TACC3: variants seen among roughly 807,000 people sequenced by gnomAD.
TACC3 encodes transforming acidic coiled-coil containing protein 3, also known as transforming acidic coiled-coil-containing protein 3.
A neutral mutation model predicts 86.0 loss-of-function variants in TACC3; 52 were observed. The observed-to-expected ratio is 0.60, with a 90% CI of 0.48 to 0.76. The LOEUF (loss-of-function observed/expected upper bound fraction) is 0.76, where lower values mean the gene tolerates loss of function less well. TACC3 is among the 30% of genes least tolerant of loss of function. The pLI is 0.00. For missense variants in TACC3, 1,120 were observed against 1,070.4 expected (o/e 1.05, Z -0.65); for synonymous variants, 512 against 430.0 (o/e 1.19, Z -2.36).
rs1335870572 is a variant in TACC3 at position 1,728,689 on chromosome 4, C to G, written c.1287C>G (p.Ala429=). 6.2e-7 allele frequency: 1 copy of G among 1,613,664 alleles called. No individual in the cohort carries two copies. The highest frequency in any genetic ancestry group is 1.1e-5 in the South Asian group (1 of 91,084). Reference sequence around the variant, plus strand: ...ACACCAAGTCTGGTTGCAGTGAGGCCCAGCCCCCAGAAAGCCCTGAGACCA... The same window carrying G: ...ACACCAAGTCTGGTTGCAGTGAGGCGCAGCCCCCAGAAAGCCCTGAGACCA... ...GGDTKSGCSE[A]QPPESPETRL... is the part of the protein sequence containing the mutation. Residue 429 remains alanine, a synonymous_variant, in exon 4 of 16, where the codon GCC becomes GCG. Transcript: ENST00000313288.
chr4:1,741,448 C>CT (rs1718596454), intron 13 of TACC3: 1 of 153,434 alleles, frequency 6.5e-6, no homozygotes, highest in South Asian at 2.0e-4. Context: ...CCACGGGACT[C>CT]TGAGCGCCCC....
At chr4:1,737,560 G>A in intron 9 of TACC3, 38 bp from the exon 10 acceptor site, 1 of 1,454,186 alleles carries the variant, frequency 6.9e-7, no homozygotes, top group Non-Finnish European at 9.2e-7. Context: ...AAGAGGCAAG[G>A]GCGAAATGGG....
At chr4:1,730,474 A>G in intron 4 of TACC3, 1 of 355,322 alleles carries the variant, frequency 2.8e-6, no homozygotes, top group South Asian at 2.2e-5. Flanking sequence ...TATTCTGTAT[A>G]TTTATGATAC....
rs1199825922 is a variant in TACC3, at chr4:1,723,403, CAT to C, written c.-1-17_-1-16del. 1 of 1,609,628 alleles carries C rather than the reference CAT, an allele frequency of 6.2e-7. No homozygotes were observed. The highest frequency in any genetic ancestry group is 1.3e-5 in the African/African-American group (1 of 74,832). On this transcript the variant is annotated splice_polypyrimidine_tract_variant and intron_variant, in intron 1 of 15. Transcript: ENST00000313288. ...AGTGTTGCCCTCACACTGACACAAA[CAT>C]GTTCTGCTTTTCCAGAATGAGTCTG...
chr4:1,723,807 C>T lies in TACC3; in HGVS notation c.242C>T (p.Pro81Leu). Residue 81 changes from proline to leucine, a missense_variant, in exon 3 of 16, where the codon CCT (proline) becomes CTT (leucine). Coordinates refer to ENST00000313288, the MANE Select transcript of TACC3 (RefSeq NM_006342.3). ...SPSMASKLEA[P>L]FTQDDTLGLE... Reference sequence around the variant, plus strand: ...AGCATGGCCAGCAAACTTGAGGCTCCTTTCACTCAGGATGACACCCTTGGA... The same window carrying T: ...AGCATGGCCAGCAAACTTGAGGCTCTTTTCACTCAGGATGACACCCTTGGA... 1 of 1,613,798 alleles carries T rather than the reference C, an allele frequency of 6.2e-7. No individual in the cohort carries two copies. Among genetic ancestry groups the T allele is most frequent in the Non-Finnish European group, 8.5e-7 (1 of 1,180,024 alleles).
At chr4:1,743,898 C>T (rs1718714305) in intron 13 of TACC3, among the ~76,000 whole-genome samples, 1 of 152,144 alleles carries the variant, frequency 6.6e-6, no homozygotes, top group East Asian at 1.9e-4. Flanking sequence ...GGCTGCAGTG[C>T]TGAGGGTGCT....
chr4:1,731,005 G>A (rs373464982), intron 5 of TACC3, 43 bp downstream of exon 5: 192 of 1,609,762 alleles, frequency 1.2e-4, no homozygotes, highest in Non-Finnish European at 1.5e-4. Flanking sequence ...TGGCCTGGTC[G>A]TGTAGAAGAG....
chr4:1,739,291 G>A (rs1373944395), intron 10 of TACC3: 1 of 156,318 alleles, frequency 6.4e-6, no homozygotes, highest in Non-Finnish European at 1.4e-5. Flanking sequence ...CTGGGCGACA[G>A]AGTGAGACTC....
At chr4:1,742,202 G>T (rs1203831081) in intron 13 of TACC3, 1 of 152,352 alleles carries the variant, frequency 6.6e-6, no homozygotes, top group Non-Finnish European at 1.5e-5. Flanking sequence ...GAGCAGATGG[G>T]AAGGGCCCTG....
rs1233065291 is a variant in TACC3 at position 1,723,721 on chromosome 4, G to A, written c.163-7G>A. The A allele has an allele frequency of 2.2e-5, 35 of 1,613,512 alleles. No individual in the cohort carries two copies. The highest frequency in any genetic ancestry group is 2.7e-5 in the African/African-American group (2 of 74,928). ...GAATAGGTGCTCTCCTCCTCACTCC[G>A]CAACAGGTGACTTTTCAGACACCTC... On this transcript the variant is annotated splice_region_variant and splice_polypyrimidine_tract_variant and intron_variant, in intron 2 of 15. Transcript: ENST00000313288.
At chr4:1,730,041 T>G (rs181075682) in intron 4 of TACC3, among the ~76,000 whole-genome samples, 3 of 152,228 alleles carry the variant, frequency 2.0e-5, no homozygotes, top group Admixed American at 2.0e-4. Flanking sequence ...GTTATTTGTT[T>G]GTTTGTTTGT....
At chr4:1,739,470 G>C (rs1278866260) in intron 10 of TACC3, 7 of 576,880 alleles carry the variant, frequency 1.2e-5, no homozygotes, top group African/African-American at 1.9e-5. Context: ...TTCCACCCAG[G>C]AGCACAGCCA....
chr4:1,731,658 G>C (rs575650656), intron 6 of TACC3, among the ~76,000 whole-genome samples: 1 of 151,258 alleles, frequency 6.6e-6, no homozygotes, highest in African/African-American at 2.4e-5. Flanking sequence ...TTTTTTCTGA[G>C]ATAGTCTCGC....
chr4:1,740,993 C>T lies in TACC3; in HGVS notation c.2223+7C>T, dbSNP rs1437219754. 1 of 1,600,100 alleles carries T rather than the reference C, an allele frequency of 6.2e-7. No individual in the cohort carries two copies. The highest frequency in any genetic ancestry group is 8.5e-7 in the Non-Finnish European group (1 of 1,175,418). On this transcript the variant is annotated splice_region_variant and intron_variant, in intron 13 of 15. Transcript: ENST00000313288. ...GATCGAGGGCTACCGCAAGGTATGT[C>T]TCCGCCACCCTGGTGTCCTCACCTC... is the stretch of plus-strand genomic sequence containing the variant.
chr4:1,735,644 A>ACCCGAGGCAATGGCT lies in TACC3; in HGVS notation c.1645-87_1645-86insCCCGAGGCAATGGCT. 1 of 1,041,934 alleles carries ACCCGAGGCAATGGCT rather than the reference A, an allele frequency of 9.6e-7. No homozygotes were observed. The highest frequency in any genetic ancestry group is 1.5e-6 in the Non-Finnish European group (1 of 675,754). 64.5% of individuals were successfully genotyped at this position (1,041,934 alleles called of 1,614,324 possible). A position where few individuals can be genotyped will look rare whatever the true frequency, so the allele number is the denominator to read the frequency against. On this transcript the variant is annotated intron_variant, in intron 7 of 15. Coordinates refer to ENST00000313288, the MANE Select transcript of TACC3 (RefSeq NM_006342.3). The surrounding 1 kb of genome is among the most constrained non-coding windows in gnomAD (Gnocchi z 4.2). Reference sequence around the variant, plus strand: ...GAGTGTGCGGGTGACCGGGGGTGGGAGTGTGCAGGTGACCTCCCTGGCCCT... The same window carrying ACCCGAGGCAATGGCT: ...GAGTGTGCGGGTGACCGGGGGTGGGACCCGAGGCAATGGCTGTGTGCAGGTGACCTCCCTGGCCCT...
chr4:1,728,032 C>T lies in TACC3; in HGVS notation c.630C>T (p.Ser210=). ...TAGAAGACCCTTGCAGGACAGAGTC[C>T]CAGCACAAAGCGGAGACTCCGCACG... ...ETLEDPCRTE[S]QHKAETPHGA... Residue 210 remains serine (S), a synonymous_variant, in exon 4 of 16, where the codon TCC becomes TCT. Transcript: ENST00000313288. 1 of 1,613,052 alleles carries T rather than the reference C, an allele frequency of 6.2e-7. No homozygotes were observed. Among genetic ancestry groups the T allele is most frequent in the Non-Finnish European group, 8.5e-7 (1 of 1,180,014 alleles).
chr4:1,732,782 G>GC (rs1231478125), intron 6 of TACC3, among the ~76,000 whole-genome samples: 3 of 152,250 alleles, frequency 2.0e-5, no homozygotes, highest in Non-Finnish European at 4.4e-5. Flanking sequence ...CCATGCTGGA[G>GC]CAGGTGTGGG....
chr4:1,724,877 T>C (rs1360757492), intron 3 of TACC3, among the ~76,000 whole-genome samples: 1 of 151,282 alleles, frequency 6.6e-6, no homozygotes, highest in Non-Finnish European at 1.5e-5. Flanking sequence ...TCCTCCACCT[T>C]GGCCTCCTTA....
intron 4 of TACC3, 155 bp from the exon 5 acceptor site, chr4:1,730,732 G>T: frequency 3.4e-6 from 3 of 878,500 alleles, no homozygotes; most frequent in Non-Finnish European, 3.8e-6. Context: ...TGGCCAGGTC[G>T]CTTGGGACAG....
Sources: gnomAD v4.1 joint callset for allele counts (sites outside exome capture counted in the v4.1 genomes callset) on GRCh38, gnomAD v4.1.1 for gene constraint, Gnocchi (gnomAD v3.1) non-coding constraint, MANE v1.5 for transcripts, NCBI Gene and HGNC (gene_info 2026-07-23, HGNC 2026-07-21) for gene names.